The following PRKACB variants were observed in gnomAD, a reference collection of about 807,000 sequenced individuals.
PRKACB encodes the protein cAMP-dependent protein kinase catalytic subunit beta.
A neutral mutation model predicts 51.4 loss-of-function variants in PRKACB; 16 were observed. The observed-to-expected ratio is 0.31, with a 90% CI of 0.21 to 0.47. The LOEUF is 0.47. Among genes scored for constraint, PRKACB ranks in the 20% least tolerant of loss-of-function variants. The pLI is 1.00. For missense variants in PRKACB, 309 were observed against 464.5 expected, an observed-to-expected ratio of 0.67 and a Z score of 3.08; for synonymous variants, 147 against 154.4, an observed-to-expected ratio of 0.95 and a Z score of 0.35.
intron 1 of PRKACB, among the ~76,000 whole-genome samples, chr1:84,128,160 C>G (rs991734356): frequency 1.3e-5 from 2 of 151,734 alleles, no homozygotes; most frequent in African/African-American, 2.4e-5. Flanking sequence ...AGGCGCCCAC[C>G]ACCACGCCCA....
At chr1:84,182,982 AG>A (rs903668931) in intron 3 of PRKACB, among the ~76,000 whole-genome samples, 28 of 152,234 alleles carry the variant, frequency 1.8e-4, no homozygotes, top group African/African-American at 5.5e-4. Flanking sequence ...CAAGTCAGAA[AG>A]TTAGTTAAAT....
At chr1:84,110,543 T>C (rs1274290798) in intron 1 of PRKACB, among the ~76,000 whole-genome samples, 1 of 151,926 alleles carries the variant, frequency 6.6e-6, no homozygotes, top group East Asian at 1.9e-4. Context: ...TCCATTTTCT[T>C]ACTTTGTGTT....
chr1:84,215,938 G>T (rs950078392), intron 9 of PRKACB, among the ~76,000 whole-genome samples: 1 of 151,324 alleles, frequency 6.6e-6, no homozygotes, highest in South Asian at 2.1e-4. Flanking sequence ...CTTTAATAAT[G>T]CTGTGCAACT....
In PRKACB at chr1:84,098,838, A is replaced by G. The variant is rs370395794; in HGVS notation, c.46+20467A>G. Among the ~76,000 whole-genome samples, 45 of 152,232 alleles carry G rather than the reference A, an allele frequency of 3.0e-4. No homozygotes were observed. In the South Asian group the frequency reaches 9.1e-3, roughly 31 times the overall value. On this transcript the variant is annotated intron_variant, in intron 1 of 8. Coordinates refer to the PRKACB transcript ENST00000370688. ...CTGAAAATGTATGCTGGAAGTGATT[A>G]TAATGCTCGGCTTTGGAATTTGTGC...
intron 8 of PRKACB, among the ~76,000 whole-genome samples, chr1:84,205,749 A>G (rs971992183): frequency 6.6e-6 from 1 of 152,108 alleles, no homozygotes; most frequent in African/African-American, 2.4e-5. Flanking sequence ...GTATTTTTAA[A>G]TGCACACAAA....
At position 84,196,760 on chromosome 1, in the gene PRKACB, T is replaced by A. The variant is rs766345224; in HGVS notation, c.687+18T>A. Reference sequence around the variant, plus strand: ...ATATCCAGGTATGACTTTAACACATTATGTGTACTGTATATGAGAAAATAC... The same window carrying A: ...ATATCCAGGTATGACTTTAACACATAATGTGTACTGTATATGAGAAAATAC... On this transcript the variant is annotated intron_variant, in intron 6 of 9. Transcript: ENST00000370685. 1.9e-6 allele frequency: 3 copies of A among 1,607,620 alleles called. No homozygotes were observed. Among genetic ancestry groups the A allele is most frequent in the Non-Finnish European group, 2.6e-6 (3 of 1,175,336 alleles).
At chr1:84,164,936 G>A in intron 1 of PRKACB, 1 of 1,530,438 alleles carries the variant, frequency 6.5e-7, no homozygotes, top group Non-Finnish European at 8.8e-7. Context: ...TCCCTCTAGA[G>A]ATTAGCATAA....
chr1:84,080,973 T>TGG (rs925435351), intron 1 of PRKACB, among the ~76,000 whole-genome samples: 8 of 152,088 alleles, frequency 5.3e-5, no homozygotes, highest in African/African-American at 1.9e-4. Context: ...TACTGTCTAA[T>TGG]GGGAAAGAAA....
chr1:84,166,701 G>T (rs532662947), intron 1 of PRKACB, among the ~76,000 whole-genome samples: 2 of 151,794 alleles, frequency 1.3e-5, no homozygotes, highest in South Asian at 4.1e-4. Flanking sequence ...ATAAGCAAAT[G>T]CTAGGCCTTT....
rs554440446 is a variant in PRKACB at position 84,219,686 on chromosome 1, G to A, written c.1071+5369G>A. Among the ~76,000 whole-genome samples, 42 of 150,892 alleles carry A rather than the reference G, an allele frequency of 2.8e-4. 1 individual carries two copies. In the South Asian group the frequency reaches 4.0e-3, roughly 14 times the overall value. ...CTGCATATGGATATCCAGTTTTTCC[G>A]CACCATGTATTGAAGAGAGTGTCCT... On this transcript the variant is annotated intron_variant, in intron 9 of 9. Coordinates refer to ENST00000370685, the MANE Select transcript of PRKACB (RefSeq NM_182948.4).
intron 9 of PRKACB, among the ~76,000 whole-genome samples, chr1:84,225,218 C>T (rs1407393588): frequency 1.3e-5 from 2 of 152,170 alleles, no homozygotes; most frequent in Non-Finnish European, 2.9e-5. Flanking sequence ...TGAGTCTGTC[C>T]TCATGCCCCC....
chr1:84,128,517 T>C (rs987204479), intron 1 of PRKACB, among the ~76,000 whole-genome samples: 1 of 152,228 alleles, frequency 6.6e-6, no homozygotes, highest in African/African-American at 2.4e-5. Context: ...TTCCAGTGTT[T>C]AGACTTTTAA....
intron 8 of PRKACB, chr1:84,205,385 G>A: frequency 1.7e-6 from 1 of 585,442 alleles, no homozygotes; most frequent in African/African-American, 2.0e-5. Context: ...AAACTAACTA[G>A]TTTTTTAAAT....
intron 1 of PRKACB, among the ~76,000 whole-genome samples, chr1:84,134,310 T>C (rs750842447): frequency 1.3e-5 from 2 of 151,146 alleles, no homozygotes; most frequent in Non-Finnish European, 3.0e-5. Flanking sequence ...GTTCTCACTT[T>C]GGGCCGTGCT....
At chr1:84,195,056 G>A (rs527838497) in intron 5 of PRKACB, among the ~76,000 whole-genome samples, 9 of 152,194 alleles carry the variant, frequency 5.9e-5, no homozygotes, top group South Asian at 2.1e-4. Flanking sequence ...GCATGTAAAC[G>A]TGCATTTTAT....
intron 1 of PRKACB, among the ~76,000 whole-genome samples, chr1:84,095,325 A>T (rs962381282): frequency 1.3e-5 from 2 of 151,388 alleles, no homozygotes; most frequent in Admixed American, 6.6e-5. Flanking sequence ...TCTTGTGTAA[A>T]GGTGTCCTAG....
In PRKACB at chr1:84,185,145, G is replaced by A; in HGVS notation, c.523G>A (p.Glu175Lys). The change falls in exon 5 of 10, where the codon GAA (glutamate) becomes AAA (lysine). Residue 175 changes from glutamate to lysine, a missense_variant. By Grantham distance (56) the Glu-to-Lys change is moderately conservative. This residue lies in a region of PRKACB where 60 missense variants were observed against 144.4 expected (regional missense o/e 0.42). Coordinates refer to ENST00000370685, the MANE Select transcript of PRKACB (RefSeq NM_182948.4). ...GGTTATGGAATATGTCCCTGGGGGT[G>A]AAATGTTTTCACATCTAAGAAGAAT... is the stretch of plus-strand genomic sequence containing the variant. ...YMVMEYVPGG[E>K]MFSHLRRIGR... is the part of the protein sequence containing the mutation. 6.6e-7 allele frequency: 1 copy of A among 1,506,886 alleles called. No individual in the cohort carries two copies. Among genetic ancestry groups the A allele is most frequent in the Non-Finnish European group, 8.8e-7 (1 of 1,132,404 alleles). 93.3% of individuals were successfully genotyped at this position (1,506,886 alleles called of 1,614,324 possible).
intron 1 of PRKACB, chr1:84,086,163 T>C: frequency 6.3e-7 from 1 of 1,597,856 alleles, no homozygotes. Context: ...AATGGGGATG[T>C]GGTGGACAAG....
At chr1:84,107,082 C>G (rs1186851411) in intron 1 of PRKACB, among the ~76,000 whole-genome samples, 2 of 152,062 alleles carry the variant, frequency 1.3e-5, no homozygotes, top group Non-Finnish European at 2.9e-5. Flanking sequence ...ACCACACCCC[C>G]AAGTCACAAG....
Sources: gnomAD v4.1 joint callset for allele counts (sites outside exome capture counted in the v4.1 genomes callset) on GRCh38, gnomAD v4.1.1 for gene constraint, gnomAD v4.1.1 regional missense constraint, MANE v1.5 for transcripts, NCBI Gene and HGNC (gene_info 2026-07-23, HGNC 2026-07-21) for gene names.